NOD2: variants seen among roughly 807,000 people sequenced by gnomAD.
NOD2 encodes the protein nucleotide-binding oligomerization domain-containing protein 2.
In NOD2, 86 loss-of-function variants were observed where a neutral mutation model predicts 90.9. The observed-to-expected ratio is 0.95, with a 90% CI of 0.79 to 1.13. The LOEUF is 1.13. Ranked by LOEUF, NOD2 falls within the 50% of genes most tolerant of loss-of-function variation. NOD2 has a pLI of 0.00. For synonymous variants in NOD2, 581 were observed against 554.6 expected (o/e 1.05, Z -0.67); for missense variants, 1,238 against 1,283.8 (o/e 0.96, Z 0.55).
chr16:50,716,231 T>A (rs1964788051), intron 4 of NOD2, among the ~76,000 whole-genome samples: 1 of 152,242 alleles, frequency 6.6e-6, no homozygotes, highest in Non-Finnish European at 1.5e-5. Flanking sequence ...TTCGCATATA[T>A]CAGCTCCTTT....
chr16:50,700,995 T>A (rs1422771490), intron 2 of NOD2, among the ~76,000 whole-genome samples: 1 of 152,198 alleles, frequency 6.6e-6, no homozygotes, highest in Admixed American at 6.5e-5. Context: ...TTCCAAATAG[T>A]GATTCTTAGG....
At chr16:50,721,056 C>T (rs1370277886) in intron 7 of NOD2, among the ~76,000 whole-genome samples, 9 of 151,836 alleles carry the variant, frequency 5.9e-5, no homozygotes, top group Non-Finnish European at 1.0e-4. Context: ...CCGCCCGCCT[C>T]GGCCTCCCAA....
At chr16:50,727,952 A>C (rs1350719229) in intron 10 of NOD2, 1 of 263,362 alleles carries the variant, frequency 3.8e-6, no homozygotes, top group South Asian at 4.2e-5. Context: ...TCTCGGTCCA[A>C]CCACTGAGCT....
In NOD2 at chr16:50,699,933, G is replaced by A. The variant is rs77153279; in HGVS notation, c.438G>A (p.Pro146=). The change falls in exon 2 of 12, where the codon CCG becomes CCA. Residue 146 remains proline, a synonymous_variant. Coordinates refer to ENST00000647318, the MANE Select transcript of NOD2 (RefSeq NM_001370466.1). ...SQYECDEIRL[P]IFTPSQRARR... ...ATGAATGTGATGAAATCAGGTTGCCGATCTTCACACCGTCCCAGAGGGTGA... is the reference window on the plus strand; with the variant it reads ...ATGAATGTGATGAAATCAGGTTGCCAATCTTCACACCGTCCCAGAGGGTGA... 1.7e-5 allele frequency: 28 copies of A among 1,608,768 alleles called. No individual in the cohort carries two copies. The highest frequency in any genetic ancestry group is 1.6e-4 in the South Asian group (15 of 91,078).
At chr16:50,720,962 G>A (rs1374935226) in intron 7 of NOD2, among the ~76,000 whole-genome samples, 1 of 152,008 alleles carries the variant, frequency 6.6e-6, no homozygotes, top group South Asian at 2.1e-4. Flanking sequence ...CCACCACCAC[G>A]CCCAGCTAAT....
chr16:50,712,431 T>C, intron 4 of NOD2, 58 bp downstream of exon 4: 3 of 1,604,836 alleles, frequency 1.9e-6, no homozygotes, highest in Non-Finnish European at 1.7e-6. Flanking sequence ...AGGCTAAGTG[T>C]GGGAGCACCG....
At chr16:50,723,761 T>C (rs1478993860) in intron 9 of NOD2, among the ~76,000 whole-genome samples, 1 of 152,160 alleles carries the variant, frequency 6.6e-6, no homozygotes, top group East Asian at 1.9e-4. Flanking sequence ...CCATAAAGGA[T>C]TTTTGCAAGA....
chr16:50,702,420 T>A (rs1364430419), intron 2 of NOD2, among the ~76,000 whole-genome samples: 1 of 152,216 alleles, frequency 6.6e-6, no homozygotes, highest in East Asian at 1.9e-4. Flanking sequence ...TCCAGCTCTC[T>A]CTGAGCTCCC....
chr16:50,728,272 A>T, intron 10 of NOD2: 1 of 306,122 alleles, frequency 3.3e-6, no homozygotes, highest in Non-Finnish European at 6.4e-6. Context: ...CTCATCTTCA[A>T]GGCTCTTATC....
intron 9 of NOD2, among the ~76,000 whole-genome samples, chr16:50,724,967 G>C (rs1359788310): frequency 6.6e-6 from 1 of 152,176 alleles, no homozygotes; most frequent in Non-Finnish European, 1.5e-5. Flanking sequence ...GTTGTCTCAT[G>C]ATCACAGGAT....
chr16:50,712,245 G>A lies in NOD2; in HGVS notation c.2253G>A (p.Glu751=), dbSNP rs1389501792. 1.2e-6 allele frequency: 2 copies of A among 1,613,922 alleles called. No individual in the cohort carries two copies. Among genetic ancestry groups the A allele is most frequent in the Admixed American group, 1.7e-5 (1 of 60,038 alleles). Residue 751 remains glutamate (E), a synonymous_variant, in exon 4 of 12, where the codon GAG becomes GAA. Coordinates refer to ENST00000647318, the MANE Select transcript of NOD2 (RefSeq NM_001370466.1). ...CATTTTGCAGTGTGGGCCCCACTGA[G>A]TGTGCTGCCCTGGCCTTTGTGCTGC... ...KLTFCSVGPT[E]CAALAFVLQH...
chr16:50,712,188 A>G lies in NOD2; in HGVS notation c.2196A>G (p.Ala732=). The G allele has an allele frequency of 6.2e-7, 1 of 1,613,996 alleles. No homozygotes were observed. Among genetic ancestry groups the G allele is most frequent in the Non-Finnish European group, 8.5e-7 (1 of 1,180,050 alleles). Reference sequence around the variant, plus strand: ...AGGAGCGGCTGGCTCGGAAGGCTGCACGTGGCCTGAATGTTGGGCACCTCA... The same window carrying G: ...AGGAGCGGCTGGCTCGGAAGGCTGCGCGTGGCCTGAATGTTGGGCACCTCA... ...MQEERLARKA[A]RGLNVGHLKL... is the part of the protein sequence containing the mutation. The change falls in exon 4 of 12, where the codon GCA becomes GCG. Residue 732 remains alanine (A), a synonymous_variant. Coordinates refer to ENST00000647318, the MANE Select transcript of NOD2 (RefSeq NM_001370466.1).
chr16:50,703,675 C>T (rs1409458050), intron 2 of NOD2, among the ~76,000 whole-genome samples: 1 of 141,070 alleles, frequency 7.1e-6, no homozygotes, highest in South Asian at 2.3e-4. Flanking sequence ...CAGAGCAAGA[C>T]TCTGTCTCAA....
At chr16:50,694,099 TC>T (rs1396159514) in intron 1 of NOD2, among the ~76,000 whole-genome samples, 24 of 152,066 alleles carry the variant, frequency 1.6e-4, no homozygotes. Context: ...CGAGGCCACA[TC>T]CCCCAGCTGT....
chr16:50,717,876 G>A (rs1861758), intron 6 of NOD2, among the ~76,000 whole-genome samples: 50,893 of 152,136 alleles, frequency 0.33, 9,121 homozygotes, highest in Non-Finnish European at 0.39. Context: ...GTAGTCCTCC[G>A]GTATGTGCAG....
chr16:50,723,974 A>G (rs1276890210), intron 9 of NOD2, among the ~76,000 whole-genome samples: 1 of 152,182 alleles, frequency 6.6e-6, no homozygotes, highest in East Asian at 1.9e-4. Context: ...TTGAGTTCCT[A>G]GGAGCACTGG....
At chr16:50,695,151 T>A (rs894282796) in intron 1 of NOD2, among the ~76,000 whole-genome samples, 5 of 84,096 alleles carry the variant, frequency 5.9e-5, no homozygotes, top group Non-Finnish European at 9.1e-5. Context: ...GGGTGGAGAA[T>A]GGATCATGGG....
chr16:50,697,157 A>T, intron 1 of NOD2: 1 of 1,147,242 alleles, frequency 8.7e-7, no homozygotes, highest in Non-Finnish European at 1.3e-6. Context: ...ATCCAGGCTC[A>T]CCAGTCCTGT....
At position 50,712,372 on chromosome 16, in the gene NOD2, TAGTG is replaced by T. The variant is rs780445125; in HGVS notation, c.2381+4_2381+7del. The T allele has an allele frequency of 6.2e-7, 1 of 1,613,504 alleles. No homozygotes were observed. The highest frequency in any genetic ancestry group is 1.3e-5 in the African/African-American group (1 of 74,946). Reference sequence around the variant, plus strand: ...TTGCCTTGGTGTCTGCAAGGCTCTGTAGTGAGTGTTACTGGGCATTGCTGTTCAG... The same window carrying T: ...TTGCCTTGGTGTCTGCAAGGCTCTGTAGTGTTACTGGGCATTGCTGTTCAG... On this transcript the variant is annotated splice_donor_variant and splice_donor_region_variant and coding_sequence_variant and intron_variant, in exon 4 of 12. Coordinates refer to ENST00000647318, the MANE Select transcript of NOD2 (RefSeq NM_001370466.1). LOFTEE classifies it high-confidence loss of function.
Sources: gnomAD v4.1 joint callset for allele counts (sites outside exome capture counted in the v4.1 genomes callset) on GRCh38, gnomAD v4.1.1 for gene constraint, MANE v1.5 for transcripts, NCBI Gene and HGNC (gene_info 2026-07-23, HGNC 2026-07-21) for gene names.